The following KMT2D variants were observed in gnomAD, a reference collection of about 807,000 sequenced individuals.
KMT2D encodes lysine methyltransferase 2D.
KMT2D carries 55 observed loss-of-function variants against 512.7 expected under a neutral mutation model. The observed-to-expected ratio is 0.11, with a 90% CI of 0.09 to 0.13. The LOEUF (loss-of-function observed/expected upper bound fraction) is 0.13. Among genes scored for constraint, KMT2D ranks in the 10% least tolerant of loss-of-function variants. The pLI is 1.00. For synonymous variants in KMT2D, 2,995 were observed against 2,904.0 expected (o/e 1.03, Z -1.01); for missense variants, 6,061 against 7,127.9 (o/e 0.85, Z 5.39).
rs1938709689 is a variant in KMT2D at position 49,060,765 on chromosome 12, CG to C, written c.-1191del. On this transcript the variant is annotated 5_prime_UTR_variant, in exon 1 of 55. Transcript: ENST00000301067. Reference sequence around the variant, plus strand: ...CGAGAGGGGGAGAAAGGAGAAGAGGCGGCCCTATTTTGTGTTGGAGCGGAGC... The same window carrying C: ...CGAGAGGGGGAGAAAGGAGAAGAGGCGCCCTATTTTGTGTTGGAGCGGAGC... 6.6e-6 allele frequency among the ~76,000 whole-genome samples: 1 copy of C among 152,216 alleles called. No individual in the cohort carries two copies. The highest frequency in any genetic ancestry group is 1.5e-5 in the Non-Finnish European group (1 of 68,050).
Position 49,031,986 on chromosome 12 carries a change from G to C in KMT2D, c.12719C>G (p.Thr4240Ser). Residue 4240 changes from threonine (T) to serine (S), a missense_variant, in exon 40 of 55, where the codon ACC (threonine) becomes AGC (serine). Transcript: ENST00000301067. ...QLQQSQAVRQ[T>S]PPYQEPGTQT... ...GGTCCCAGGCTCCTGGTAGGGTGGG[G>C]TCTGGCGTACTGCCTGACTCTGCTG... The C allele has an allele frequency of 6.3e-7, 1 of 1,587,104 alleles. No homozygotes were observed. Among genetic ancestry groups the C allele is most frequent in the Non-Finnish European group, 8.6e-7 (1 of 1,164,016 alleles).
At chr12:49,045,865 T>C in intron 19 of KMT2D, 55 bp downstream of exon 19, 1 of 1,373,494 alleles carries the variant, frequency 7.3e-7, no homozygotes, top group Non-Finnish European at 1.0e-6. Context: ...GGAGCTAGAC[T>C]AGATGATGTC....
rs1565773801 is a variant in KMT2D, at chr12:49,031,974, T to C, written c.12731A>G (p.Gln4244Arg). Residue 4244 changes from glutamine to arginine, a missense_variant, in exon 40 of 55, where the codon CAG (glutamine) becomes CGG (arginine). Physicochemically the swap from Gln to Arg is conservative, Grantham distance 43 (BLOSUM62 1). Coordinates refer to ENST00000301067, the MANE Select transcript of KMT2D (RefSeq NM_003482.4). ...GGGAGAGGTCTGGGTCCCAGGCTCC[T>C]GGTAGGGTGGGGTCTGGCGTACTGC... ...SQAVRQTPPY[Q>R]EPGTQTSPLQ... 1.9e-6 allele frequency: 3 copies of C among 1,573,262 alleles called. No individual in the cohort carries two copies. Among genetic ancestry groups the C allele is most frequent in the Non-Finnish European group, 2.6e-6 (3 of 1,157,326 alleles).
rs745309812 is a variant in KMT2D at position 49,041,695 on chromosome 12, T to C, written c.6194A>G (p.Lys2065Arg). The part of the protein sequence containing the change: ...ADKAPYLQKA[K>R]DNRAAHRINK... ...GATGCGGTGAGCTGCCCGGTTATCT[T>C]TGGCCTTTTGCTGAGGGATATGGGA... Residue 2065 changes from lysine to arginine, a missense_variant, in exon 31 of 55, where the codon AAA (lysine) becomes AGA (arginine). By Grantham distance (26) the Lys-to-Arg change is conservative. Around this residue, in one of 16 missense-constraint regions of KMT2D, gnomAD observed 640 missense variants for 814.3 expected, o/e 0.79. Transcript: ENST00000301067. The surrounding 1 kb of genome is among the most constrained non-coding windows in gnomAD (Gnocchi z 5.4). 2.0e-5 allele frequency: 32 copies of C among 1,611,628 alleles called. No homozygotes were observed. Among genetic ancestry groups the C allele is most frequent in the South Asian group, 4.4e-5 (4 of 90,754 alleles).
Position 49,052,226 on chromosome 12 carries a change from G to C in KMT2D, c.1457C>G (p.Ser486Cys), listed in dbSNP as rs1420879515. 6.2e-7 allele frequency: 1 copy of C among 1,613,116 alleles called. No individual in the cohort carries two copies. The highest frequency in any genetic ancestry group is 2.2e-5 in the East Asian group (1 of 44,794). Residue 486 changes from serine (S) to cysteine (C), a missense_variant, in exon 11 of 55, where the codon TCC (serine) becomes TGC (cysteine). By Grantham distance (112) the Ser-to-Cys change is moderately radical. Coordinates refer to ENST00000301067, the MANE Select transcript of KMT2D (RefSeq NM_003482.4). Reference sequence around the variant, plus strand: ...GAGGGGCGATTCCTCCAGCGGCCGGGACAGGTGCAATGCCTCAGGAAGTGG... The same window carrying C: ...GAGGGGCGATTCCTCCAGCGGCCGGCACAGGTGCAATGCCTCAGGAAGTGG... ...ASPLPEALHL[S>C]RPLEESPLSP...
rs1942880558 is a variant in KMT2D at position 49,031,024 on chromosome 12, C to T, written c.13540G>A (p.Ala4514Thr). Residue 4514 changes from alanine (A) to threonine (T), a missense_variant, in exon 41 of 55, where the codon GCA becomes ACA. By Grantham distance (58) the Ala-to-Thr change is moderately conservative (BLOSUM62 0). Coordinates refer to ENST00000301067, the MANE Select transcript of KMT2D (RefSeq NM_003482.4). ...GGCTTCGGTGTCAAAGGCTTCCTTG[C>T]TGCTGCATCCTAAGCCAAATAAGCC... The part of the protein sequence containing the change: ...GTPSNKEDAA[A>T]RKPLTPKPKR... The T allele has an allele frequency of 1.9e-6, 3 of 1,613,748 alleles. No homozygotes were observed. The highest frequency in any genetic ancestry group is 1.3e-5 in the African/African-American group (1 of 74,930).
chr12:49,059,374 C>T (rs565005367), intron 1 of KMT2D, among the ~76,000 whole-genome samples: 1 of 152,226 alleles, frequency 6.6e-6, no homozygotes, highest in Admixed American at 6.5e-5. Flanking sequence ...TGGCCAGGTT[C>T]CCAAACTCCC....
Position 49,032,776 on chromosome 12 carries a change from G to A in KMT2D, c.11929C>T (p.Leu3977Phe), listed in dbSNP as rs1189212800. The A allele has an allele frequency of 1.9e-6, 3 of 1,560,450 alleles. No homozygotes were observed. The highest frequency in any genetic ancestry group is 2.6e-6 in the Non-Finnish European group (3 of 1,151,720). Residue 3977 changes from leucine (L) to phenylalanine (F), a missense_variant, in exon 40 of 55, where the codon CTT (leucine) becomes TTT (phenylalanine). Leu to Phe is a conservative substitution (Grantham distance 22). Around this residue, in one of 16 missense-constraint regions of KMT2D, gnomAD observed 1,600 missense variants for 1,754.9 expected, o/e 0.91. Coordinates refer to ENST00000301067, the MANE Select transcript of KMT2D (RefSeq NM_003482.4). ...AGTAAAGTTCGACTCTGGTTTAAAA[G>A]GCCCATCTGCTGCTGTTGCTGCTGC... ...QQQQQQQQMG[L>F]LNQSRTLLSP...
In KMT2D at chr12:49,024,635, A is replaced by G; in HGVS notation, c.15995T>C (p.Met5332Thr). ...TCGGGCACAGCCAGTGGGGTTGATC[A>G]TGAGTGGCAGCTCCATAAGGGGGTG... Reference protein sequence around the residue: ...GRHPLMELPLMINPTGCARSE... With the variant: ...GRHPLMELPLTINPTGCARSE... The change falls in exon 51 of 55, where the codon ATG becomes ACG. Residue 5332 changes from methionine (M) to threonine (T), a missense_variant. By Grantham distance (81) the Met-to-Thr change is moderately conservative. Transcript: ENST00000301067. The surrounding 1 kb of genome is among the most constrained non-coding windows in gnomAD (Gnocchi z 4.5). 3.1e-6 allele frequency: 5 copies of G among 1,613,952 alleles called. No individual in the cohort carries two copies. Among genetic ancestry groups the G allele is most frequent in the Non-Finnish European group, 4.2e-6 (5 of 1,179,868 alleles).
chr12:49,035,008 C>T, intron 35 of KMT2D, 73 bp from the exon 36 acceptor site: 1 of 1,579,696 alleles, frequency 6.3e-7, no homozygotes, highest in East Asian at 2.3e-5. Flanking sequence ...TTCCCTTCAA[C>T]ATCCTGACTT....
At chr12:49,023,844 C>T (rs941970564) in intron 51 of KMT2D, among the ~76,000 whole-genome samples, 1 of 152,204 alleles carries the variant, frequency 6.6e-6, no homozygotes, top group African/African-American at 2.4e-5. Flanking sequence ...CTAGGAGCCA[C>T]CAAAGACCTT....
intron 38 of KMT2D, 32 bp downstream of exon 38, chr12:49,034,378 C>T (rs1357874072): frequency 1.9e-6 from 3 of 1,613,212 alleles, no homozygotes; most frequent in Admixed American, 3.3e-5. Flanking sequence ...CAAACCACTC[C>T]CCTGCACCTT....
Position 49,051,434 on chromosome 12 carries a change from G to C in KMT2D, c.2249C>G (p.Pro750Arg), listed in dbSNP as rs767181879. Reference sequence around the variant, plus strand: ...CTCCTCAGGCCGGGGGGACAGGTGCGGCTCCTCAGGCCGGGGTGACAGGTG... The same window carrying C: ...CTCCTCAGGCCGGGGGGACAGGTGCCGCTCCTCAGGCCGGGGTGACAGGTG... Reference protein sequence around the residue: ...GPHLSPRPEEPHLSPRPEEPH... With the variant: ...GPHLSPRPEERHLSPRPEEPH... Residue 750 changes from proline to arginine, a missense_variant, in exon 11 of 55, where the codon CCG becomes CGG. Physicochemically the swap from Pro to Arg is moderately radical, Grantham distance 103. Transcript: ENST00000301067. The C allele has an allele frequency of 6.2e-7, 1 of 1,611,412 alleles. No individual in the cohort carries two copies. The highest frequency in any genetic ancestry group is 8.5e-7 in the Non-Finnish European group (1 of 1,179,350).
At position 49,033,763 on chromosome 12, in the gene KMT2D, G is replaced by A. The variant is rs777215324; in HGVS notation, c.10942C>T (p.Pro3648Ser). ...CGAAGACCTCCGGCTTGCCCACCCG[G>A]AGGCCCCTGTGGTGGCTGCAGCCCA... ...GHGLQPPQGP[P>S]GGQAGGLRLT... Residue 3648 changes from proline to serine, a missense_variant, in exon 40 of 55, where the codon CCG becomes TCG. Transcript: ENST00000301067. The A allele has an allele frequency of 1.1e-5, 18 of 1,611,706 alleles. No individual in the cohort carries two copies. In the African/African-American group the frequency reaches 2.3e-4, roughly 20 times the overall value.
In KMT2D at chr12:49,038,456, G is replaced by T. The variant is rs2120497911; in HGVS notation, c.8900C>A (p.Pro2967His). 6.2e-7 allele frequency: 1 copy of T among 1,609,398 alleles called. No individual in the cohort carries two copies. The highest frequency in any genetic ancestry group is 8.5e-7 in the Non-Finnish European group (1 of 1,176,762). The change falls in exon 35 of 55, where the codon CCC (proline) becomes CAC (histidine). Residue 2967 changes from proline (P) to histidine (H), a missense_variant. Pro to His is a moderately conservative substitution (Grantham distance 77). Transcript: ENST00000301067. This position sits in a 1 kb window ranked among gnomAD's most constrained non-coding sequence, Gnocchi z 5.7. ...GCGGCCAAGCTCAGTGCTCGACGGGGGCCGGTTGACCAGCTCCAAACCAGT... is the reference window on the plus strand; with the variant it reads ...GCGGCCAAGCTCAGTGCTCGACGGGTGCCGGTTGACCAGCTCCAAACCAGT... ...LPTGLELVNR[P>H]PSSTELGRPN...
chr12:49,031,120 C>A (rs1942885466), intron 40 of KMT2D, 55 bp downstream of exon 40: 2 of 1,609,890 alleles, frequency 1.2e-6, no homozygotes, highest in East Asian at 4.5e-5. Flanking sequence ...CTCATTCTGC[C>A]CCCCGCTGGC....
At position 49,041,167 on chromosome 12, in the gene KMT2D, A is replaced by C. The variant is rs1943505728; in HGVS notation, c.6603T>G (p.Ser2201Arg). 1 of 1,520,748 alleles carries C rather than the reference A, an allele frequency of 6.6e-7. No individual in the cohort carries two copies. Among genetic ancestry groups the C allele is most frequent in the Non-Finnish European group, 8.8e-7 (1 of 1,137,778 alleles). The allele number at this position is 1,520,748 out of a possible 1,614,324, so 94.2% of individuals were successfully genotyped here. A position where few individuals can be genotyped will look rare whatever the true frequency, so the allele number is the denominator to read the frequency against. ...GGGGCTGCGCAGGGGCCCCCGTAGG[A>C]CTAGGATAGGGGGGATAGGTGGGCG... The part of the protein sequence containing the change: ...TAPPTYPPYP[S>R]PTGAPAQPPM... Residue 2201 changes from serine (S) to arginine (R), a missense_variant, in exon 32 of 55, where the codon AGT becomes AGG. Transcript: ENST00000301067. This position sits in a 1 kb window ranked among gnomAD's most constrained non-coding sequence, Gnocchi z 5.4.
rs1943259192 is a variant in KMT2D, at chr12:49,037,138, G to C, written c.10218C>G (p.Phe3406Leu). The change falls in exon 35 of 55, where the codon TTC (phenylalanine) becomes TTG (leucine). Residue 3406 changes from phenylalanine to leucine, a missense_variant. Phe to Leu is a conservative substitution (Grantham distance 22). Coordinates refer to ENST00000301067, the MANE Select transcript of KMT2D (RefSeq NM_003482.4). ...AGCTGAGGTTACCTGTATCTGGGAA[G>C]AAGCTGTTTGCCAGCTGCTGCTGCA... ...LAMQQQLANS[F>L]FPDTDLDKFA... The C allele has an allele frequency of 6.3e-7, 1 of 1,575,062 alleles. No homozygotes were observed. Among genetic ancestry groups the C allele is most frequent in the East Asian group, 2.3e-5 (1 of 44,316 alleles).
In KMT2D at chr12:49,032,951, C is replaced by A. The variant is rs1165294599; in HGVS notation, c.11754G>T (p.Gln3918His). ...QQQQLQQQQQ[Q>H]QLQQQQQLQQ... ...GAAGTTGCTGTTGCTGTTGTAGCTG[C>A]TGCTGCTGCTGCTGCTGAAGTTGCT... is the stretch of plus-strand genomic sequence containing the variant. The change falls in exon 40 of 55, where the codon CAG (glutamine) becomes CAT (histidine). Residue 3918 changes from glutamine (Q) to histidine (H), a missense_variant. Physicochemically the swap from Gln to His is conservative, Grantham distance 24. Coordinates refer to ENST00000301067, the MANE Select transcript of KMT2D (RefSeq NM_003482.4). 7.7e-6 allele frequency: 12 copies of A among 1,550,230 alleles called. No homozygotes were observed. The highest frequency in any genetic ancestry group is 1.8e-4 in the Middle Eastern group (1 of 5,476).
Sources: allele counts gnomAD v4.1 joint callset (sites outside exome capture counted in the v4.1 genomes callset), GRCh38; gene constraint gnomAD v4.1.1; regional missense constraint gnomAD v4.1.1; non-coding constraint Gnocchi (gnomAD v3.1); transcripts MANE v1.5; gene names NCBI Gene and HGNC (gene_info 2026-07-23, HGNC 2026-07-21).